PPP2R2B: variants seen among roughly 807,000 people sequenced by gnomAD.
PPP2R2B encodes the protein protein phosphatase 2 regulatory subunit Bbeta.
In PPP2R2B, 5 loss-of-function variants were observed where a neutral mutation model predicts 46.0. The ratio of observed to expected loss-of-function variants is 0.11; its 90% CI spans 0.06 to 0.23. PPP2R2B has a LOEUF of 0.23. Ranked by LOEUF, PPP2R2B falls within the 10% of genes least tolerant of loss-of-function variation. The probability of loss-of-function intolerance (pLI) is 1.00; values close to 1 mark genes in which losing one functional copy is unlikely to be tolerated. For missense variants in PPP2R2B, 367 were observed against 575.0 expected (o/e 0.64, Z 3.70); for synonymous variants, 215 against 206.7 (o/e 1.04, Z -0.34).
intron 1 of PPP2R2B, among the ~76,000 whole-genome samples, chr5:147,026,084 T>C (rs1755514504): frequency 6.6e-6 from 1 of 152,134 alleles, no homozygotes; most frequent in Admixed American, 6.5e-5. Flanking sequence ...TTTCTTAAAA[T>C]GTTCCCCTAT....
chr5:147,018,304 A>G (rs1333890332), intron 1 of PPP2R2B, among the ~76,000 whole-genome samples: 1 of 152,188 alleles, frequency 6.6e-6, no homozygotes, highest in Non-Finnish European at 1.5e-5. Flanking sequence ...TCTATCATCC[A>G]GTCATGACAT....
At chr5:146,905,712 C>T (rs1276500010) in intron 1 of PPP2R2B, among the ~76,000 whole-genome samples, 1 of 152,180 alleles carries the variant, frequency 6.6e-6, no homozygotes, top group Non-Finnish European at 1.5e-5. Flanking sequence ...ATCTCAAAAT[C>T]AATGTGATAA....
At chr5:146,592,620 T>C (rs947773405) in intron 9 of PPP2R2B, among the ~76,000 whole-genome samples, 1 of 152,240 alleles carries the variant, frequency 6.6e-6, no homozygotes, top group Non-Finnish European at 1.5e-5. Context: ...GAAAGCCTAC[T>C]TGGCATTAAT....
chr5:147,042,341 C>T (rs757872782), intron 1 of PPP2R2B, among the ~76,000 whole-genome samples: 6 of 151,948 alleles, frequency 3.9e-5, no homozygotes, highest in Admixed American at 3.3e-4. Flanking sequence ...GGACTCAATT[C>T]GTTTCCAAGT....
intron 2 of PPP2R2B, among the ~76,000 whole-genome samples, chr5:146,784,529 C>T (rs1340066195): frequency 6.6e-6 from 1 of 152,046 alleles, no homozygotes; most frequent in African/African-American, 2.4e-5. Context: ...AATATCATAC[C>T]TTCTCGTAAT....
intron 1 of PPP2R2B, among the ~76,000 whole-genome samples, chr5:146,940,207 A>AC (rs1218671749): frequency 1.8e-4 from 28 of 151,934 alleles, no homozygotes; most frequent in Admixed American, 1.8e-3. Flanking sequence ...TGATCTTTCC[A>AC]CTCCACTTTG....
intron 1 of PPP2R2B, chr5:146,919,744 A>G (rs754478960): frequency 1.3e-5 from 2 of 152,198 alleles, no homozygotes; most frequent in African/African-American, 2.4e-5. Context: ...CAATAGCTCC[A>G]GATTCTTGCT....
intron 2 of PPP2R2B, among the ~76,000 whole-genome samples, chr5:146,821,271 A>G (rs1166747431): frequency 1.3e-5 from 2 of 152,028 alleles, no homozygotes; most frequent in African/African-American, 4.8e-5. Context: ...CCTTAATACC[A>G]TACTCTTCTC....
In PPP2R2B at chr5:146,748,190, A is replaced by G. The variant is rs568685329; in HGVS notation, c.71-47048T>C. ...AGGCCCCAAGAGGCTGCCCATGGTC[A>G]TTTAGCTAGTAAGTGGCGTAGCAGG... On this transcript the variant is annotated intron_variant, in intron 2 of 9. Transcript: ENST00000394411. Among the ~76,000 whole-genome samples, 4 of 152,278 alleles carry G rather than the reference A, an allele frequency of 2.6e-5. No individual in the cohort carries two copies. The South Asian group carries it at 8.3e-4, about 32-fold the overall frequency.
chr5:146,878,752 G>GCTGCTGCTGCTGCTGCTA lies in PPP2R2B; in HGVS notation c.-287_-286insTAGCAGCAGCAGCAGCAG. 1 of 1,336,412 alleles carries GCTGCTGCTGCTGCTGCTA rather than the reference G, an allele frequency of 7.5e-7. No individual in the cohort carries two copies. The highest frequency in any genetic ancestry group is 9.9e-7 in the Non-Finnish European group (1 of 1,014,484). 82.8% of individuals were successfully genotyped at this position (1,336,412 alleles called of 1,614,324 possible). ...AGCTGCTGCTGCTGCTGCTGCTGCTGCTGCTGCAGGAGGCTGGAGGCGGCT... is the reference window on the plus strand; with the variant it reads ...AGCTGCTGCTGCTGCTGCTGCTGCTGCTGCTGCTGCTGCTGCTACTGCTGCAGGAGGCTGGAGGCGGCT... On this transcript the variant is annotated 5_prime_UTR_variant, in exon 1 of 10. Transcript: ENST00000394411. This position sits in a 1 kb window ranked among gnomAD's most constrained non-coding sequence, Gnocchi z 4.5.
At chr5:146,675,269 T>C (rs1777637726) in intron 5 of PPP2R2B, among the ~76,000 whole-genome samples, 1 of 152,216 alleles carries the variant, frequency 6.6e-6, no homozygotes, top group African/African-American at 2.4e-5. Flanking sequence ...CGATACTTGG[T>C]ATTTTATACA....
chr5:146,698,319 T>A (rs11744036), intron 3 of PPP2R2B, among the ~76,000 whole-genome samples, 175 bp from the exon 4 acceptor site: 13,638 of 56,416 alleles, frequency 0.24, 1,417 homozygotes, highest in Non-Finnish European at 0.27. Flanking sequence ...AAAAAAAAAA[T>A]ATATATATAT....
rs191501212 is a variant in PPP2R2B, at chr5:146,685,344, C to T, written c.447+5784G>A. ...TACATCTCTAAAATGGGCAGGATGCCTAAGTCACAGAATGATGATAAAGAA... is the reference window on the plus strand; with the variant it reads ...TACATCTCTAAAATGGGCAGGATGCTTAAGTCACAGAATGATGATAAAGAA... On this transcript the variant is annotated intron_variant, in intron 5 of 9. Coordinates refer to ENST00000394411, the MANE Select transcript of PPP2R2B (RefSeq NM_181675.4). 3.2e-3 allele frequency among the ~76,000 whole-genome samples: 483 copies of T among 152,318 alleles called. 5 individuals carry two copies. Among genetic ancestry groups the T allele is most frequent in the African/African-American group, 0.011 (463 of 41,570 alleles).
chr5:146,915,668 A>G (rs1284819978), intron 1 of PPP2R2B, among the ~76,000 whole-genome samples: 1 of 152,176 alleles, frequency 6.6e-6, no homozygotes, highest in Non-Finnish European at 1.5e-5. Context: ...CGACTGACTC[A>G]TAGATTCACT....
At chr5:146,642,614 T>C (rs1195563988) in intron 6 of PPP2R2B, among the ~76,000 whole-genome samples, 3 of 152,192 alleles carry the variant, frequency 2.0e-5, no homozygotes, top group Non-Finnish European at 4.4e-5. Flanking sequence ...ATTTAAAACT[T>C]ATACTCTGAA....
intron 2 of PPP2R2B, 58 bp downstream of exon 2, chr5:146,877,944 C>A: frequency 6.4e-7 from 1 of 1,570,494 alleles, no homozygotes; most frequent in South Asian, 1.2e-5. Context: ...CCAGGAAGCA[C>A]AGTGATCCGC....
chr5:147,038,085 C>T (rs1227462606), intron 1 of PPP2R2B, among the ~76,000 whole-genome samples: 4 of 152,240 alleles, frequency 2.6e-5, no homozygotes, highest in African/African-American at 4.8e-5. Context: ...GGTTCTTTGA[C>T]CCATTAGCAA....
At chr5:146,687,649 T>C (rs1028994126) in intron 5 of PPP2R2B, among the ~76,000 whole-genome samples, 8 of 152,124 alleles carry the variant, frequency 5.3e-5, no homozygotes, top group Non-Finnish European at 1.2e-4. Flanking sequence ...TATTGCTTTA[T>C]GTTAAGTTAT....
intron 1 of PPP2R2B, among the ~76,000 whole-genome samples, chr5:146,899,427 G>C (rs1762752211): frequency 7.0e-6 from 1 of 143,010 alleles, no homozygotes; most frequent in African/African-American, 2.6e-5. Context: ...TGAACAATGA[G>C]ATCACATGGA....
Sources: gnomAD v4.1 joint callset for allele counts (sites outside exome capture counted in the v4.1 genomes callset) on GRCh38, gnomAD v4.1.1 for gene constraint, Gnocchi (gnomAD v3.1) non-coding constraint, MANE v1.5 for transcripts, NCBI Gene and HGNC (gene_info 2026-07-23, HGNC 2026-07-21) for gene names.